The following PRKD1 variants were observed in gnomAD, a reference collection of about 807,000 sequenced individuals.
PRKD1 encodes serine/threonine-protein kinase D1.
In PRKD1, 63 loss-of-function variants were observed where a neutral mutation model predicts 95.9. The observed-to-expected ratio is 0.66, with a 90% CI of 0.54 to 0.81. The LOEUF (loss-of-function observed/expected upper bound fraction) is 0.81. PRKD1 is among the 30% of genes least tolerant of loss of function. The probability of loss-of-function intolerance (pLI) is 0.00; values close to 1 mark genes in which losing one functional copy is unlikely to be tolerated. For missense variants in PRKD1, 1,048 were observed against 1,165.3 expected (o/e 0.90, Z 1.47); for synonymous variants, 425 against 423.1 (o/e 1.00, Z -0.05).
At chr14:29,891,095 G>A (rs919155798) in intron 1 of PRKD1, among the ~76,000 whole-genome samples, 1 of 152,168 alleles carries the variant, frequency 6.6e-6, no homozygotes, top group Non-Finnish European at 1.5e-5. Context: ...GATTTATCAA[G>A]GAAGAAATGT....
At chr14:29,845,671 T>C (rs1441726858) in intron 1 of PRKD1, among the ~76,000 whole-genome samples, 2 of 152,196 alleles carry the variant, frequency 1.3e-5, no homozygotes, top group Admixed American at 6.5e-5. Flanking sequence ...TCACTACCCA[T>C]GTAGCATTTG....
At chr14:29,776,910 C>T (rs537799482) in intron 1 of PRKD1, among the ~76,000 whole-genome samples, 1 of 152,304 alleles carries the variant, frequency 6.6e-6, no homozygotes, top group African/African-American at 2.4e-5. Context: ...TCGGGTTACC[C>T]TCAAAGGGAA....
chr14:29,715,028 C>T (rs117050630), intron 2 of PRKD1, among the ~76,000 whole-genome samples: 2,997 of 151,996 alleles, frequency 0.02, 42 homozygotes, highest in Non-Finnish European at 0.032. Flanking sequence ...TTGAGGGGTG[C>T]GGCAATCCAC....
intron 1 of PRKD1, among the ~76,000 whole-genome samples, chr14:29,826,562 G>A (rs867868094): frequency 5.5e-4 from 16 of 28,850 alleles, no homozygotes; most frequent in South Asian, 1.0e-3. Flanking sequence ...ATATATGATG[G>A]AATATATATA....
chr14:29,611,240 G>A (rs1878437202), intron 13 of PRKD1, among the ~76,000 whole-genome samples: 1 of 152,186 alleles, frequency 6.6e-6, no homozygotes, highest in Non-Finnish European at 1.5e-5. Context: ...GTACACATGT[G>A]TAGGGGCAAG....
At chr14:29,674,105 T>C (rs537963197) in intron 2 of PRKD1, among the ~76,000 whole-genome samples, 168 of 152,230 alleles carry the variant, frequency 1.1e-3, no homozygotes, top group African/African-American at 4.0e-3. Flanking sequence ...TGTATGGGCT[T>C]TGTGGTCAGA....
chr14:29,583,058 G>A (rs574467376), intron 16 of PRKD1, among the ~76,000 whole-genome samples: 5 of 152,126 alleles, frequency 3.3e-5, no homozygotes, highest in South Asian at 2.1e-4. Context: ...GAGGAATGCC[G>A]AAACTCCAGT....
At chr14:29,724,062 G>A (rs1886028770) in intron 2 of PRKD1, among the ~76,000 whole-genome samples, 1 of 152,164 alleles carries the variant, frequency 6.6e-6, no homozygotes, top group African/African-American at 2.4e-5. Context: ...AGGTCAACAC[G>A]AGGGAAGAGC....
intron 16 of PRKD1, among the ~76,000 whole-genome samples, chr14:29,589,451 T>G (rs1040031414): frequency 4.6e-5 from 7 of 152,136 alleles, no homozygotes; most frequent in Non-Finnish European, 7.4e-5. Flanking sequence ...TCTGAGCAAA[T>G]AAAGGAATGT....
At chr14:29,733,112 T>A (rs150197493) in intron 1 of PRKD1, among the ~76,000 whole-genome samples, 6,387 of 148,108 alleles carry the variant, frequency 0.043, 169 homozygotes, top group African/African-American at 0.061. Context: ...TTATTTATTT[T>A]TTTTTTTTGA....
chr14:29,700,967 CGT>C (rs1566547836), intron 2 of PRKD1, among the ~76,000 whole-genome samples: 10 of 46,328 alleles, frequency 2.2e-4, no homozygotes, highest in East Asian at 1.2e-3. Context: ...TGTGTGTACG[CGT>C]GCGCATGCGC....
At chr14:29,652,054 C>T (rs918748043) in intron 4 of PRKD1, among the ~76,000 whole-genome samples, 1 of 152,082 alleles carries the variant, frequency 6.6e-6, no homozygotes, top group African/African-American at 2.4e-5. Flanking sequence ...CCCTTTTTTT[C>T]ATATTTCTCA....
At chr14:29,867,409 C>G (rs1892948313) in intron 1 of PRKD1, among the ~76,000 whole-genome samples, 1 of 152,150 alleles carries the variant, frequency 6.6e-6, no homozygotes, top group Non-Finnish European at 1.5e-5. Context: ...GCAAGAGGAA[C>G]AGCAAAAGCT....
At chr14:29,737,007 A>T (rs1336007422) in intron 1 of PRKD1, among the ~76,000 whole-genome samples, 1 of 152,180 alleles carries the variant, frequency 6.6e-6, no homozygotes, top group East Asian at 1.9e-4. Flanking sequence ...AAACGGAAAG[A>T]GAGACATGGC....
chr14:29,798,851 C>T (rs1594529214), intron 1 of PRKD1, among the ~76,000 whole-genome samples: 1 of 152,220 alleles, frequency 6.6e-6, no homozygotes, highest in Non-Finnish European at 1.5e-5. Context: ...TAATCTTCCA[C>T]ATCACTGATT....
chr14:29,646,496 C>T (rs1251014168), intron 4 of PRKD1, among the ~76,000 whole-genome samples: 1 of 151,590 alleles, frequency 6.6e-6, no homozygotes, highest in African/African-American at 2.4e-5. Context: ...TCTCATGTAA[C>T]CCAAAAATAT....
chr14:29,926,268 A>G (rs1895291183), intron 1 of PRKD1, among the ~76,000 whole-genome samples: 1 of 147,988 alleles, frequency 6.8e-6, no homozygotes, highest in Non-Finnish European at 1.5e-5. Context: ...CCAGTCCTCC[A>G]GGGCTGAAAA....
chr14:29,727,465 T>C (rs1181445662), intron 1 of PRKD1, among the ~76,000 whole-genome samples: 4 of 151,718 alleles, frequency 2.6e-5, no homozygotes, highest in Non-Finnish European at 4.4e-5. Flanking sequence ...ATGAAGTCCT[T>C]GCCCGTGCCT....
chr14:29,577,493 A>G, intron 17 of PRKD1, 37 bp from the exon 18 acceptor site: 3 of 1,565,706 alleles, frequency 1.9e-6, no homozygotes, highest in Non-Finnish European at 2.6e-6. Flanking sequence ...CATAGAGATC[A>G]TTACAACTCA....
Sources: gnomAD v4.1 joint callset for allele counts (sites outside exome capture counted in the v4.1 genomes callset) on GRCh38, gnomAD v4.1.1 for gene constraint, MANE v1.5 for transcripts, NCBI Gene and HGNC (gene_info 2026-07-23, HGNC 2026-07-21) for gene names.